SLCO3A1: variants seen among roughly 807,000 people sequenced by gnomAD.
The protein encoded by SLCO3A1 is PGE1 transporter.
Under a neutral mutation model 63.1 loss-of-function variants are expected in SLCO3A1, and 27 were observed. That is an observed-to-expected ratio of 0.43 (90% CI 0.32 to 0.59). SLCO3A1 has a LOEUF of 0.59. Ranked by LOEUF, SLCO3A1 falls within the 20% of genes least tolerant of loss-of-function variation. The pLI is 0.09. For missense variants in SLCO3A1, 773 were observed against 945.8 expected, an observed-to-expected ratio of 0.82 and a Z score of 2.40; for synonymous variants, 473 against 409.9, an observed-to-expected ratio of 1.15 and a Z score of -1.86.
intron 2 of SLCO3A1, among the ~76,000 whole-genome samples, chr15:91,933,960 G>A (rs6496876): frequency 0.71 from 108,282 of 152,034 alleles, 38,935 homozygotes; most frequent in East Asian, 0.91. Context: ...TGTCCCCAGG[G>A]TTCTTACTTT....
At chr15:91,975,363 C>G (rs1434820455) in intron 2 of SLCO3A1, among the ~76,000 whole-genome samples, 3 of 152,230 alleles carry the variant, frequency 2.0e-5, no homozygotes, top group African/African-American at 7.2e-5. Context: ...TCCAGCAACA[C>G]ACATGCAGTG....
intron 1 of SLCO3A1, among the ~76,000 whole-genome samples, chr15:91,905,262 T>C (rs959491907): frequency 6.6e-6 from 1 of 152,212 alleles, no homozygotes; most frequent in Admixed American, 6.5e-5. Flanking sequence ...ATATCTCATA[T>C]CTGCCTTAAA....
At chr15:91,959,048 A>G (rs1315838024) in intron 2 of SLCO3A1, among the ~76,000 whole-genome samples, 1 of 152,234 alleles carries the variant, frequency 6.6e-6, no homozygotes, top group African/African-American at 2.4e-5. Flanking sequence ...GAGTGGATAA[A>G]GAAAATGTGG....
intron 1 of SLCO3A1, among the ~76,000 whole-genome samples, chr15:91,908,911 A>C (rs1307241851): frequency 2.0e-5 from 3 of 152,102 alleles, no homozygotes; most frequent in Non-Finnish European, 4.4e-5. Flanking sequence ...AAATACAAAA[A>C]TTAGCTGGGC....
chr15:91,875,882 G>A lies in SLCO3A1; in HGVS notation c.180+21794G>A, dbSNP rs1897387104. ...ATCATCATGTGACAGAAACCATATT[G>A]CCTGCAAGTAATATGGCCTGCAAAG... On this transcript the variant is annotated intron_variant, in intron 1 of 9. Transcript: ENST00000318445. The surrounding 1 kb of genome is among the most constrained non-coding windows in gnomAD (Gnocchi z 4.5). Among the ~76,000 whole-genome samples the A allele has an allele frequency of 6.6e-6, 1 of 152,120 alleles. No individual in the cohort carries two copies. The highest frequency in any genetic ancestry group is 2.4e-5 in the African/African-American group (1 of 41,414).
intron 2 of SLCO3A1, among the ~76,000 whole-genome samples, chr15:92,078,906 A>T (rs1048415814): frequency 2.0e-5 from 3 of 152,200 alleles, no homozygotes; most frequent in Non-Finnish European, 4.4e-5. Context: ...GCCCTACGCT[A>T]TGAATGGGGA....
At chr15:92,147,214 A>C in intron 8 of SLCO3A1, 55 bp downstream of exon 8, 2 of 1,533,482 alleles carry the variant, frequency 1.3e-6, no homozygotes, top group South Asian at 2.4e-5. Context: ...GTTCATCTGC[A>C]GGCCTCCTAG....
chr15:92,148,097 A>T (rs757741916), intron 8 of SLCO3A1, among the ~76,000 whole-genome samples: 2 of 152,204 alleles, frequency 1.3e-5, no homozygotes, highest in Non-Finnish European at 2.9e-5. Flanking sequence ...AATCCCAGCC[A>T]CTTGGGAGGC....
intron 2 of SLCO3A1, among the ~76,000 whole-genome samples, chr15:92,070,827 T>C (rs1479788909): frequency 6.6e-6 from 1 of 152,150 alleles, no homozygotes; most frequent in Non-Finnish European, 1.5e-5. Flanking sequence ...ACTTTTAAAT[T>C]TGAATTTCCA....
chr15:92,001,312 C>G lies in SLCO3A1; in HGVS notation c.646+84854C>G, dbSNP rs536233977. Among the ~76,000 whole-genome samples, 25 of 152,270 alleles carry G rather than the reference C, an allele frequency of 1.6e-4. 1 individual carries two copies. In the South Asian group the frequency reaches 5.2e-3, roughly 32 times the overall value. On this transcript the variant is annotated intron_variant, in intron 2 of 9. Transcript: ENST00000318445. ...GGGAATGCCTCAATGGGCAAGGCATCCAGCTTAGGACCTGGCACCAGCACA... is the reference window on the plus strand; with the variant it reads ...GGGAATGCCTCAATGGGCAAGGCATGCAGCTTAGGACCTGGCACCAGCACA...
rs1253755584 is a variant in SLCO3A1 at position 92,164,472 on chromosome 15, AT to A, written c.*1338del. The A allele has an allele frequency of 5.1e-6, 5 of 985,250 alleles. No homozygotes were observed. Among genetic ancestry groups the A allele is most frequent in the Non-Finnish European group, 6.0e-6 (5 of 829,932 alleles). The allele number at this position is 985,250 out of a possible 1,614,324, so 61.0% of individuals were successfully genotyped here. On this transcript the variant is annotated 3_prime_UTR_variant, in exon 10 of 10. Transcript: ENST00000318445. ...TGTCACGGGAAACCCTTTTATATTCATGCTTGACATTCCAAGAGGCGTTCTT... is the reference window on the plus strand; with the variant it reads ...TGTCACGGGAAACCCTTTTATATTCAGCTTGACATTCCAAGAGGCGTTCTT...
chr15:92,060,696 C>T (rs1465636028), intron 2 of SLCO3A1, among the ~76,000 whole-genome samples: 1 of 152,082 alleles, frequency 6.6e-6, no homozygotes, highest in Non-Finnish European at 1.5e-5. Context: ...GACGGGGTTT[C>T]ACCATGTTGT....
intron 1 of SLCO3A1, among the ~76,000 whole-genome samples, chr15:91,878,371 C>T (rs573372878): frequency 9.0e-4 from 137 of 152,232 alleles, no homozygotes; most frequent in African/African-American, 3.2e-3. Flanking sequence ...TGAGCCACTG[C>T]GCCAGGGCGA....
chr15:91,946,155 C>A (rs1002883120), intron 2 of SLCO3A1, among the ~76,000 whole-genome samples: 1 of 152,166 alleles, frequency 6.6e-6, no homozygotes, highest in Non-Finnish European at 1.5e-5. Context: ...GTTCTGTGGA[C>A]GCTGAGAGCA....
intron 1 of SLCO3A1, among the ~76,000 whole-genome samples, chr15:91,906,554 C>T (rs988351599): frequency 7.2e-5 from 11 of 152,158 alleles, no homozygotes; most frequent in Non-Finnish European, 1.5e-4. Context: ...CATATAGCAG[C>T]GTGTGTGTGT....
At chr15:92,005,287 G>T (rs752880268) in intron 2 of SLCO3A1, among the ~76,000 whole-genome samples, 1 of 152,206 alleles carries the variant, frequency 6.6e-6, no homozygotes, top group Non-Finnish European at 1.5e-5. Flanking sequence ...GCTGGTTAAA[G>T]TTCCTGGCTC....
intron 2 of SLCO3A1, among the ~76,000 whole-genome samples, chr15:92,073,462 GTTCAGGTT>G (rs763589564): frequency 5.3e-5 from 8 of 152,152 alleles, no homozygotes; most frequent in Non-Finnish European, 1.2e-4. Flanking sequence ...GAATTGTAGG[GTTCAGGTT>G]TTCATCTTTT....
rs530356653 is a variant in SLCO3A1, at chr15:92,016,502, G to C, written c.647-78379G>C. Among the ~76,000 whole-genome samples the C allele has an allele frequency of 5.3e-5, 8 of 152,238 alleles. No homozygotes were observed. The South Asian group carries it at 1.7e-3, about 32-fold the overall frequency. On this transcript the variant is annotated intron_variant, in intron 2 of 9. Transcript: ENST00000318445. ...GAAGGAATGTCGTCCTGATCCCTTG[G>C]GATCTAGGCAGTGGCAATCTCTATG...
At chr15:92,048,710 C>T (rs536910772) in intron 2 of SLCO3A1, among the ~76,000 whole-genome samples, 1 of 152,220 alleles carries the variant, frequency 6.6e-6, no homozygotes, top group East Asian at 1.9e-4. Context: ...ACCAGCCTGG[C>T]CAACATGGTG....
Sources: gnomAD v4.1 joint callset for allele counts (sites outside exome capture counted in the v4.1 genomes callset) on GRCh38, gnomAD v4.1.1 for gene constraint, Gnocchi (gnomAD v3.1) non-coding constraint, MANE v1.5 for transcripts, NCBI Gene and HGNC (gene_info 2026-07-23, HGNC 2026-07-21) for gene names.